The following GLYATL1 variants were observed in gnomAD, a reference collection of about 807,000 sequenced individuals.
The protein encoded by GLYATL1 is glycine-N-acyltransferase like 1.
A neutral mutation model predicts 20.0 loss-of-function variants in GLYATL1; 15 were observed. That is an observed-to-expected ratio of 0.75 (90% confidence interval 0.50 to 1.15). The LOEUF is 1.15. GLYATL1 is among the 50% of genes most tolerant of loss of function. The probability of loss-of-function intolerance (pLI) is 0.00; values close to 1 mark genes in which losing one functional copy is unlikely to be tolerated. For synonymous variants in GLYATL1, 151 were observed against 131.5 expected (o/e 1.15, Z -1.01); for missense variants, 380 against 368.5 (o/e 1.03, Z -0.26).
At chr11:58,952,617 T>A (rs531650470) in intron 4 of GLYATL1, among the ~76,000 whole-genome samples, 302 of 152,298 alleles carry the variant, frequency 2.0e-3, no homozygotes, top group African/African-American at 6.8e-3. Flanking sequence ...CATGGGAAGA[T>A]TGCATGATGC....
upstream of GLYATL1, among the ~76,000 whole-genome samples, chr11:58,937,257 T>C (rs778774669): frequency 2.0e-5 from 3 of 152,210 alleles, no homozygotes; most frequent in Non-Finnish European, 4.4e-5. Context: ...ATGAAGAATC[T>C]GCTCAATCAC....
chr11:58,941,739 A>G (rs1347246389), intron 1 of GLYATL1, among the ~76,000 whole-genome samples: 1 of 152,214 alleles, frequency 6.6e-6, no homozygotes, highest in African/African-American at 2.4e-5. Context: ...GGCCAAAGAG[A>G]GTGAGGTCTA....
upstream of GLYATL1, among the ~76,000 whole-genome samples, chr11:58,927,456 T>C (rs1783417375): frequency 6.6e-6 from 1 of 152,238 alleles, no homozygotes; most frequent in African/African-American, 2.4e-5. Flanking sequence ...GCGCTGCTTT[T>C]TGCCTGTGCT....
intron 1 of GLYATL1, among the ~76,000 whole-genome samples, chr11:58,930,511 A>G (rs1855558261): frequency 6.6e-6 from 1 of 152,248 alleles, no homozygotes; most frequent in Non-Finnish European, 1.5e-5. Flanking sequence ...TATAGATAAA[A>G]TATTAGAATG....
intron 1 of GLYATL1, among the ~76,000 whole-genome samples, chr11:58,906,470 C>T (rs1854889518): frequency 6.6e-6 from 1 of 152,058 alleles, no homozygotes; most frequent in Non-Finnish European, 1.5e-5. Flanking sequence ...TTCAAAGTTC[C>T]TGGGGTGTAG....
intron 2 of GLYATL1, among the ~76,000 whole-genome samples, chr11:58,946,573 T>A (rs1856583507): frequency 1.3e-5 from 2 of 152,234 alleles, no homozygotes; most frequent in African/African-American, 4.8e-5. Context: ...GGCCGTAGGT[T>A]TGAAATATTT....
chr11:58,935,084 G>A (rs1412845958), upstream of GLYATL1: 1 of 153,262 alleles, frequency 6.5e-6, no homozygotes, highest in Non-Finnish European at 1.4e-5. Context: ...GGCCGGCCTT[G>A]TTCTGGGAGC....
chr11:58,933,781 A>G (rs1393278305), intron 1 of GLYATL1: 4 of 152,204 alleles, frequency 2.6e-5, no homozygotes, highest in Non-Finnish European at 2.9e-5. Context: ...CTAGTCATCC[A>G]GCAACTCTTT....
downstream of GLYATL1, among the ~76,000 whole-genome samples, chr11:58,911,753 C>T (rs1000273901): frequency 3.6e-4 from 54 of 152,102 alleles, 1 homozygote; most frequent in African/African-American, 9.9e-4. Context: ...TTTGCTGATT[C>T]TTATCTCTCC....
downstream of GLYATL1, among the ~76,000 whole-genome samples, chr11:58,912,921 A>G (rs977120606): frequency 6.6e-6 from 1 of 152,218 alleles, no homozygotes; most frequent in African/African-American, 2.4e-5. Flanking sequence ...CAAAGGTAAG[A>G]GAAAGTGGCA....
chr11:58,951,599 G>A (rs1856999352), intron 4 of GLYATL1, among the ~76,000 whole-genome samples: 1 of 152,010 alleles, frequency 6.6e-6, no homozygotes, highest in African/African-American at 2.4e-5. Flanking sequence ...AATTTTGGAA[G>A]AATTAATATT....
intron 1 of GLYATL1, among the ~76,000 whole-genome samples, chr11:58,921,589 C>T (rs750514079): frequency 6.6e-5 from 10 of 152,308 alleles, no homozygotes; most frequent in East Asian, 1.9e-4. Flanking sequence ...TTTTGCATCA[C>T]GCACATTGAT....
At chr11:58,944,887 A>T (rs1565129744) in intron 2 of GLYATL1, among the ~76,000 whole-genome samples, 1 of 151,890 alleles carries the variant, frequency 6.6e-6, no homozygotes, top group Non-Finnish European at 1.5e-5. Flanking sequence ...ACAGATGTGA[A>T]CCTTGAAAAC....
chr11:58,922,367 G>T (rs1393123514), intron 1 of GLYATL1, among the ~76,000 whole-genome samples: 1 of 152,210 alleles, frequency 6.6e-6, no homozygotes, highest in Non-Finnish European at 1.5e-5. Flanking sequence ...TAGGAGACCA[G>T]TGGTTCAAAA....
upstream of GLYATL1, among the ~76,000 whole-genome samples, chr11:58,939,107 A>C (rs192667724): frequency 9.2e-5 from 14 of 152,248 alleles, no homozygotes; most frequent in Admixed American, 3.3e-4. Flanking sequence ...TATTTGTTTT[A>C]TATGAATTTC....
intron 1 of GLYATL1, among the ~76,000 whole-genome samples, chr11:58,918,554 T>C (rs1855234060): frequency 6.6e-6 from 1 of 152,158 alleles, no homozygotes; most frequent in Non-Finnish European, 1.5e-5. Flanking sequence ...ATAGCATAGA[T>C]ATGGTTGCCA....
chr11:58,919,040 C>A (rs540255274), intron 1 of GLYATL1, among the ~76,000 whole-genome samples: 1 of 152,308 alleles, frequency 6.6e-6, no homozygotes, highest in South Asian at 2.1e-4. Flanking sequence ...GGGCCCATCC[C>A]ATATGGGTCC....
intron 4 of GLYATL1, among the ~76,000 whole-genome samples, chr11:58,953,390 G>GTTTTTTTTTTTTTTTTTTTTTTTT (rs377318573): frequency 9.0e-6 from 1 of 110,972 alleles, no homozygotes; most frequent in Non-Finnish European, 1.9e-5. Flanking sequence ...CTTACAGTCT[G>GTTTTTTTTTTTTTTTTTTTTTTTT]TTTTTTTTTT....
rs1243130476 is a variant in GLYATL1, at chr11:58,943,594, CGAAGTGAACACG to C, written c.-110_-99del. On this transcript the variant is annotated 5_prime_UTR_variant, in exon 2 of 7. Transcript: ENST00000532726. ...GGAGCTTCTAGTATCCCCAGGAGCG[CGAAGTGAACACG>C]GAAGGTACCTGCAGGATCCAATTGT... 43 of 1,613,438 alleles carry C rather than the reference CGAAGTGAACACG, an allele frequency of 2.7e-5. No homozygotes were observed. The highest frequency in any genetic ancestry group is 3.5e-5 in the Non-Finnish European group (41 of 1,179,642).
Sources: allele counts gnomAD v4.1 joint callset (sites outside exome capture counted in the v4.1 genomes callset), GRCh38; gene constraint gnomAD v4.1.1; transcripts MANE v1.5; gene names NCBI Gene and HGNC (gene_info 2026-07-23, HGNC 2026-07-21).